Variants in CCNK observed in about 807,000 individuals in gnomAD.
CCNK encodes the protein cyclin-K.
CCNK carries 9 observed loss-of-function variants against 65.0 expected under a neutral mutation model. That is an observed-to-expected ratio of 0.14 (90% confidence interval 0.08 to 0.24). CCNK has a LOEUF of 0.24. CCNK is among the 10% of genes least tolerant of loss of function. The pLI, the probability that CCNK is intolerant of heterozygous loss-of-function variation, is 1.00. For synonymous variants in CCNK, 279 were observed against 270.8 expected, an observed-to-expected ratio of 1.03 and a Z score of -0.30; for missense variants, 474 against 720.0, an observed-to-expected ratio of 0.66 and a Z score of 3.91.
At chr14:99,497,900 C>A (rs1276074780) in intron 4 of CCNK, among the ~76,000 whole-genome samples, 1 of 152,094 alleles carries the variant, frequency 6.6e-6, no homozygotes, top group Non-Finnish European at 1.5e-5. Context: ...TAACTATAAC[C>A]AAAAATGCAG....
chr14:99,502,519 A>G, intron 7 of CCNK, 143 bp downstream of exon 7: 2 of 1,361,014 alleles, frequency 1.5e-6, no homozygotes, highest in Non-Finnish European at 2.0e-6. Flanking sequence ...AAATTATCTA[A>G]TAGTTTCCAC....
At chr14:99,484,686 T>A (rs1367582005) in intron 1 of CCNK, among the ~76,000 whole-genome samples, 1 of 152,164 alleles carries the variant, frequency 6.6e-6, no homozygotes, top group Non-Finnish European at 1.5e-5. Context: ...AATACAGGAA[T>A]TATGTGAACA....
chr14:99,495,674 T>TGGTA (rs777518234), intron 4 of CCNK, 45 bp downstream of exon 4: 19 of 1,566,916 alleles, frequency 1.2e-5, no homozygotes, highest in Non-Finnish European at 6.1e-6. Context: ...TGATTCCTTA[T>TGGTA]GGTAGTATTG....
At chr14:99,502,654 T>C in intron 7 of CCNK, 65 bp from the exon 8 acceptor site, 1 of 1,483,570 alleles carries the variant, frequency 6.7e-7, no homozygotes, top group Non-Finnish European at 9.3e-7. Flanking sequence ...ACTGATTCTT[T>C]ATCCAGGTAA....
At position 99,493,602 on chromosome 14, in the gene CCNK, G is replaced by T. The variant is rs367803398; in HGVS notation, c.279+7G>T. ...CAAGCAATTCCCAAGATATGTAAGTGTTTGAATTTTATTGTAATTCTCTGT... is the reference window on the plus strand; with the variant it reads ...CAAGCAATTCCCAAGATATGTAAGTTTTTGAATTTTATTGTAATTCTCTGT... On this transcript the variant is annotated splice_region_variant and intron_variant, in intron 3 of 10. Transcript: ENST00000389879. The T allele has an allele frequency of 3.5e-5, 54 of 1,562,506 alleles. No individual in the cohort carries two copies. The highest frequency in any genetic ancestry group is 4.4e-5 in the Non-Finnish European group (50 of 1,136,250).
chr14:99,507,312 T>G (rs919712653), intron 10 of CCNK, 165 bp downstream of exon 10: 1 of 643,370 alleles, frequency 1.6e-6, no homozygotes, highest in African/African-American at 1.8e-5. Flanking sequence ...CACAATGGCT[T>G]GTGTTTTTGA....
chr14:99,494,555 A>G (rs780869185), intron 3 of CCNK: 4 of 152,204 alleles, frequency 2.6e-5, no homozygotes, highest in Non-Finnish European at 5.9e-5. Flanking sequence ...TACCCCCGGC[A>G]GAGTGTCTGA....
chr14:99,503,131 G>A (rs1488460804), intron 8 of CCNK, 147 bp downstream of exon 8: 8 of 938,958 alleles, frequency 8.5e-6, no homozygotes, highest in Non-Finnish European at 1.4e-5. Context: ...CTTGTCGGTG[G>A]GGAGCCTGAA....
In CCNK at chr14:99,492,611, TTC is replaced by T; in HGVS notation, c.-52-11_-52-10del. ...GGAGTATTCCTTTCCAACTTTGTTTTTCTCTTTCTCATAGGATTCTAACATTT... is the reference window on the plus strand; with the variant it reads ...GGAGTATTCCTTTCCAACTTTGTTTTTCTTTCTCATAGGATTCTAACATTT... On this transcript the variant is annotated splice_polypyrimidine_tract_variant and intron_variant, in intron 1 of 10. Coordinates refer to ENST00000389879, the MANE Select transcript of CCNK (RefSeq NM_001099402.2). 7.2e-7 allele frequency: 1 copy of T among 1,390,324 alleles called. No individual in the cohort carries two copies. The highest frequency in any genetic ancestry group is 9.8e-7 in the Non-Finnish European group (1 of 1,019,606). The allele number at this position is 1,390,324 out of a possible 1,614,324, so 86.1% of individuals were successfully genotyped here. A position where few individuals can be genotyped will look rare whatever the true frequency, so the allele number is the denominator to read the frequency against.
chr14:99,510,050 C>T, intron 10 of CCNK, 107 bp from the exon 11 acceptor site: 1 of 1,128,608 alleles, frequency 8.9e-7, no homozygotes, highest in African/African-American at 1.6e-5. Flanking sequence ...AGGAGGCGGG[C>T]AGCTGCTCCC....
intron 6 of CCNK, chr14:99,501,691 C>G (rs895074415): frequency 2.5e-6 from 1 of 405,728 alleles, no homozygotes; most frequent in Non-Finnish European, 4.4e-6. Flanking sequence ...ATTTTGAAAA[C>G]TAATTACTTA....
chr14:99,488,075 T>C (rs1486938640), intron 1 of CCNK, among the ~76,000 whole-genome samples: 1 of 152,156 alleles, frequency 6.6e-6, no homozygotes. Flanking sequence ...GCTGAACCAT[T>C]TGAAAGTAGG....
chr14:99,497,674 T>G (rs967459737), intron 4 of CCNK, among the ~76,000 whole-genome samples: 2 of 152,244 alleles, frequency 1.3e-5, no homozygotes, highest in African/African-American at 4.8e-5. Flanking sequence ...AGTTATCTTT[T>G]TCTCTGCCAA....
intron 6 of CCNK, chr14:99,501,904 A>C (rs1896839888): frequency 4.0e-6 from 1 of 247,942 alleles, no homozygotes; most frequent in Non-Finnish European, 7.6e-6. Context: ...TTGAAGAAAC[A>C]GTTGAGTGGC....
chr14:99,500,504 AT>A (rs1425180005), intron 4 of CCNK: 1 of 377,170 alleles, frequency 2.7e-6, no homozygotes, highest in African/African-American at 2.1e-5. Flanking sequence ...TGTATTGAAA[AT>A]AATAATATTT....
intron 1 of CCNK, among the ~76,000 whole-genome samples, chr14:99,483,616 G>T (rs1037210987): frequency 1.3e-5 from 2 of 152,204 alleles, no homozygotes; most frequent in Admixed American, 1.3e-4. Context: ...GTGGTGATTG[G>T]GGATTGTTGG....
intron 4 of CCNK, among the ~76,000 whole-genome samples, chr14:99,496,298 AT>A (rs1333802191): frequency 6.6e-6 from 1 of 152,210 alleles, no homozygotes; most frequent in African/African-American, 2.4e-5. Context: ...CATAACATTT[AT>A]CACAGTTTGC....
At chr14:99,502,027 A>G (rs2139871035) in intron 6 of CCNK, 180 bp from the exon 7 acceptor site, 2 of 602,290 alleles carry the variant, frequency 3.3e-6, no homozygotes, top group South Asian at 3.4e-5. Flanking sequence ...AACTATGGTT[A>G]AAGTAACTTA....
rs1447697962 is a variant in CCNK at position 99,510,566 on chromosome 14, C to G, written c.1527C>G (p.Pro509=). The change falls in exon 11 of 11, where the codon CCC becomes CCG. Residue 509 remains proline, a synonymous_variant. Transcript: ENST00000389879. ...IPPPTPGYPP[P]PPTYNPNFPP... is the part of the protein sequence containing the mutation. ...CCCCTACTCCTGGCTACCCCCCACC[C>G]CCACCCACCTACAACCCCAACTTCC... The G allele has an allele frequency of 2.2e-6, 1 of 444,870 alleles. No individual in the cohort carries two copies. Among genetic ancestry groups the G allele is most frequent in the East Asian group, 4.3e-5 (1 of 22,990 alleles). 27.6% of individuals were successfully genotyped at this position (444,870 alleles called of 1,614,324 possible). A position where few individuals can be genotyped will look rare whatever the true frequency, so the allele number is the denominator to read the frequency against.
Sources: gnomAD v4.1 joint callset for allele counts (sites outside exome capture counted in the v4.1 genomes callset) on GRCh38, gnomAD v4.1.1 for gene constraint, MANE v1.5 for transcripts, NCBI Gene and HGNC (gene_info 2026-07-23, HGNC 2026-07-21) for gene names.